The following SLC26A2 variants were observed in gnomAD, a reference collection of about 807,000 sequenced individuals.
SLC26A2 encodes solute carrier family 26 member 2.
In SLC26A2, 36 loss-of-function variants were observed where a neutral mutation model predicts 41.1. The ratio of observed to expected loss-of-function variants is 0.88; its 90% CI spans 0.67 to 1.16. The LOEUF is 1.16. Among genes scored for constraint, SLC26A2 ranks in the 50% most tolerant of loss-of-function variants. The pLI is 0.00. For missense variants in SLC26A2, 796 were observed against 869.6 expected (o/e 0.92, Z 1.07); for synonymous variants, 291 against 311.6 (o/e 0.93, Z 0.70).
intron 1 of SLC26A2, among the ~76,000 whole-genome samples, chr5:149,964,450 C>G (rs1266055293): frequency 6.6e-6 from 1 of 152,094 alleles, no homozygotes; most frequent in South Asian, 2.1e-4. Flanking sequence ...GCACTCCAGC[C>G]TGGGTAACAG....
Position 149,980,738 on chromosome 5 carries a change from T to C in SLC26A2, c.1145T>C (p.Val382Ala), listed in dbSNP as rs1355755955. ...CCAGAATGGAACCTAATTCCTAGTG[T>C]GGCTGTAGATGCAATAGCTATTTCC... is the stretch of plus-strand genomic sequence containing the variant. ...KVPEWNLIPS[V>A]AVDAIAISII... Residue 382 changes from valine (V) to alanine (A), a missense_variant, in exon 3 of 3, where the codon GTG becomes GCG. Physicochemically the swap from Val to Ala is moderately conservative, Grantham distance 64. Transcript: ENST00000286298. The C allele has an allele frequency of 6.2e-7, 1 of 1,613,950 alleles. No individual in the cohort carries two copies. Among genetic ancestry groups the C allele is most frequent in the African/African-American group, 1.3e-5 (1 of 75,064 alleles).
In SLC26A2 at chr5:149,968,272, G is replaced by A. The variant is rs971658848; in HGVS notation, c.-26+7293G>A. Among the ~76,000 whole-genome samples, 39 of 152,208 alleles carry A rather than the reference G, an allele frequency of 2.6e-4. No individual in the cohort carries two copies. The East Asian group carries it at 3.5e-3, about 14-fold the overall frequency. The stretch of plus-strand genomic sequence containing the variant: ...CGAGTTACAGTTTTTAGTCCTTTGA[G>A]TATAAGCGGAATTACTAGGTCATAT... On this transcript the variant is annotated intron_variant, in intron 1 of 2. Coordinates refer to ENST00000286298, the MANE Select transcript of SLC26A2 (RefSeq NM_000112.4).
At chr5:149,967,748 G>C (rs1418797545) in intron 1 of SLC26A2, among the ~76,000 whole-genome samples, 1 of 151,662 alleles carries the variant, frequency 6.6e-6, no homozygotes, top group Non-Finnish European at 1.5e-5. Context: ...CTCTCTCTCT[G>C]TGTATATATA....
At chr5:149,974,178 A>G (rs936302938) in intron 1 of SLC26A2, among the ~76,000 whole-genome samples, 1 of 152,154 alleles carries the variant, frequency 6.6e-6, no homozygotes. Flanking sequence ...TCTTTGATAC[A>G]AAGATACCAC....
rs1755203542 is a variant in SLC26A2 at position 149,986,530 on chromosome 5, C to A, written c.*4717C>A. The A allele has an allele frequency of 1.3e-5, 2 of 151,756 alleles. No individual in the cohort carries two copies. The highest frequency in any genetic ancestry group is 6.6e-5 in the Admixed American group (1 of 15,240). 9.4% of individuals were successfully genotyped at this position (151,756 alleles called of 1,614,324 possible). On this transcript the variant is annotated 3_prime_UTR_variant, in exon 3 of 3. Coordinates refer to ENST00000286298, the MANE Select transcript of SLC26A2 (RefSeq NM_000112.4). The stretch of plus-strand genomic sequence containing the variant: ...TTTATTTTTATAAGGTAATTTTTAT[C>A]CTGATAAGGACTTAAAAAAAAGTTT...
intron 1 of SLC26A2, among the ~76,000 whole-genome samples, chr5:149,974,107 T>C (rs1754949876): frequency 6.6e-6 from 1 of 152,198 alleles, no homozygotes; most frequent in African/African-American, 2.4e-5. Flanking sequence ...CATAATTGCA[T>C]GTCACTGCAC....
At chr5:149,978,953 A>G (rs1755046485) in intron 2 of SLC26A2, among the ~76,000 whole-genome samples, 1 of 151,964 alleles carries the variant, frequency 6.6e-6, no homozygotes. Flanking sequence ...CCTGAGCTCA[A>G]GCAATCCTCC....
At position 149,986,868 on chromosome 5, in the gene SLC26A2, A is replaced by T. The variant is rs543128334; in HGVS notation, c.*5055A>T. On this transcript the variant is annotated 3_prime_UTR_variant, in exon 3 of 3. Transcript: ENST00000286298. ...AATAATAAGATACATGGGATCAAAT[A>T]GCCCTTGCCTTTTCAACACAAATCA... 1 of 152,258 alleles carries T rather than the reference A, an allele frequency of 6.6e-6. No individual in the cohort carries two copies. The highest frequency in any genetic ancestry group is 1.5e-5 in the Non-Finnish European group (1 of 68,050). The allele number at this position is 152,258 out of a possible 1,614,324, so 9.4% of individuals were successfully genotyped here.
At chr5:149,964,499 C>T (rs1174829668) in intron 1 of SLC26A2, among the ~76,000 whole-genome samples, 1 of 146,634 alleles carries the variant, frequency 6.8e-6, no homozygotes, top group East Asian at 2.1e-4. Flanking sequence ...AAAAAATAGC[C>T]AGGCGTGGTG....
rs104893917 is a variant in SLC26A2 at position 149,980,357 on chromosome 5, G to A, written c.764G>A (p.Gly255Glu). 9 of 1,614,004 alleles carry A rather than the reference G, an allele frequency of 5.6e-6. No individual in the cohort carries two copies. The African/African-American group carries it at 1.2e-4, about 22-fold the overall frequency. ...SVYLSDALLS[G>E]FVTGASFTIL... ...TACCTCTCAGATGCCTTGCTGAGTG[G>A]ATTTGTCACTGGTGCCTCCTTCACT... The change falls in exon 3 of 3, where the codon GGA (glycine) becomes GAA (glutamate). Residue 255 changes from glycine (G) to glutamate (E), a missense_variant. Physicochemically the swap from Gly to Glu is moderately conservative, Grantham distance 98 (BLOSUM62 -2). Coordinates refer to ENST00000286298, the MANE Select transcript of SLC26A2 (RefSeq NM_000112.4).
At position 149,967,901 on chromosome 5, in the gene SLC26A2, C is replaced by A. The variant is rs114484437; in HGVS notation, c.-26+6922C>A. 1.7e-3 allele frequency among the ~76,000 whole-genome samples: 262 copies of A among 152,084 alleles called. 1 individual carries two copies. The highest frequency in any genetic ancestry group is 5.9e-3 in the African/African-American group (246 of 41,492). ...AAGTGCTGGGATTATAAGCATGAGCCACCCTGCCTGGCCCATTTTGCCTTT... is the reference window on the plus strand; with the variant it reads ...AAGTGCTGGGATTATAAGCATGAGCAACCCTGCCTGGCCCATTTTGCCTTT... On this transcript the variant is annotated intron_variant, in intron 1 of 2. Transcript: ENST00000286298.
rs1344841414 is a variant in SLC26A2, at chr5:149,967,184, T to G, written c.-26+6205T>G. On this transcript the variant is annotated intron_variant, in intron 1 of 2. Coordinates refer to ENST00000286298, the MANE Select transcript of SLC26A2 (RefSeq NM_000112.4). Reference sequence around the variant, plus strand: ...TCTCTTAAAGAAAAGAAAAAGAAAATTATGTAACAGGTTATATTCAAGCTA... The same window carrying G: ...TCTCTTAAAGAAAAGAAAAAGAAAAGTATGTAACAGGTTATATTCAAGCTA... Among the ~76,000 whole-genome samples the G allele has an allele frequency of 2.6e-5, 4 of 152,036 alleles. No individual in the cohort carries two copies. The East Asian group carries it at 5.8e-4, about 22-fold the overall frequency.
At position 149,987,320 on chromosome 5, in the gene SLC26A2, A is replaced by G. The variant is rs908997213; in HGVS notation, c.*5507A>G. ...TAGAAGCTTATGTTTTATGCTGTTT[A>G]TTATGTAAGATCCTGTATGTGTGTT... On this transcript the variant is annotated 3_prime_UTR_variant, in exon 3 of 3. Coordinates refer to ENST00000286298, the MANE Select transcript of SLC26A2 (RefSeq NM_000112.4). The G allele has an allele frequency of 1.3e-5, 2 of 152,150 alleles. No homozygotes were observed. Among genetic ancestry groups the G allele is most frequent in the Non-Finnish European group, 2.9e-5 (2 of 68,028 alleles). 9.4% of individuals were successfully genotyped at this position (152,150 alleles called of 1,614,324 possible).
Position 149,978,279 on chromosome 5 carries a change from C to T in SLC26A2, c.627C>T (p.Asp209=). 1 of 1,614,048 alleles carries T rather than the reference C, an allele frequency of 6.2e-7. No homozygotes were observed. The highest frequency in any genetic ancestry group is 8.5e-7 in the Non-Finnish European group (1 of 1,179,992). Residue 209 remains aspartate, a synonymous_variant, in exon 2 of 3, where the codon GAC becomes GAT. Transcript: ENST00000286298. ...GCACATTATTAAATCATACATCAGA[C>T]AGGATATGTGACAAAAGTTGCTATG... The part of the protein sequence containing the change: ...NGSTLLNHTS[D]RICDKSCYAI...
chr5:149,965,592 T>C (rs1333553461), intron 1 of SLC26A2, among the ~76,000 whole-genome samples: 1 of 151,906 alleles, frequency 6.6e-6, no homozygotes, highest in African/African-American at 2.4e-5. Context: ...TATTTTTTTT[T>C]CTTACACTGT....
rs1364373510 is a variant in SLC26A2 at position 149,983,490 on chromosome 5, G to A, written c.*1677G>A. 6.6e-5 allele frequency: 10 copies of A among 152,160 alleles called. No individual in the cohort carries two copies. Among genetic ancestry groups the A allele is most frequent in the Non-Finnish European group, 1.5e-4 (10 of 68,022 alleles). The allele number at this position is 152,160 out of a possible 1,614,324, so 9.4% of individuals were successfully genotyped here. A position where few individuals can be genotyped will look rare whatever the true frequency, so the allele number is the denominator to read the frequency against. On this transcript the variant is annotated 3_prime_UTR_variant, in exon 3 of 3. Coordinates refer to ENST00000286298, the MANE Select transcript of SLC26A2 (RefSeq NM_000112.4). ...ATTCCAGAAATGTTAATTGCTGCTT[G>A]TATTTGTTCTTGTTTGTTTTTTAGC...
intron 1 of SLC26A2, among the ~76,000 whole-genome samples, chr5:149,970,848 T>C (rs1388477767): frequency 6.6e-6 from 1 of 152,206 alleles, no homozygotes; most frequent in Admixed American, 6.5e-5. Flanking sequence ...GGATTATATA[T>C]GGGAGCATGG....
chr5:149,974,794 C>T (rs1328515993), intron 1 of SLC26A2, among the ~76,000 whole-genome samples: 2 of 135,932 alleles, frequency 1.5e-5, no homozygotes, highest in South Asian at 2.6e-4. Context: ...GGCGTGATCT[C>T]GGCTCACTGC....
At position 149,981,168 on chromosome 5, in the gene SLC26A2, A is replaced by G; in HGVS notation, c.1575A>G (p.Leu525=). ...TTACTATGCTGTCCTCTGCACTGCTAAGTACTGAAATAGGCCTACTTGTTG... is the reference window on the plus strand; with the variant it reads ...TTACTATGCTGTCCTCTGCACTGCTGAGTACTGAAATAGGCCTACTTGTTG... ...WFVTMLSSAL[L]STEIGLLVGV... Residue 525 remains leucine, a synonymous_variant, in exon 3 of 3, where the codon CTA becomes CTG. Transcript: ENST00000286298. The G allele has an allele frequency of 6.2e-7, 1 of 1,614,104 alleles. No homozygotes were observed. The highest frequency in any genetic ancestry group is 2.2e-5 in the East Asian group (1 of 44,884).
Sources: allele counts gnomAD v4.1 joint callset (sites outside exome capture counted in the v4.1 genomes callset), GRCh38; gene constraint gnomAD v4.1.1; transcripts MANE v1.5; gene names NCBI Gene and HGNC (gene_info 2026-07-23, HGNC 2026-07-21).